USP6: variants seen among roughly 807,000 people sequenced by gnomAD.
USP6 encodes ubiquitin carboxyl-terminal hydrolase 6.
USP6 carries 128 observed loss-of-function variants against 175.7 expected under a neutral mutation model. The observed-to-expected ratio is 0.73, with a 90% CI of 0.63 to 0.84. The LOEUF is 0.84. Ranked by LOEUF, USP6 falls within the 40% of genes least tolerant of loss-of-function variation. USP6 has a pLI of 0.00. For synonymous variants in USP6, 562 were observed against 630.6 expected (o/e 0.89, Z 1.63); for missense variants, 1,498 against 1,760.3 (o/e 0.85, Z 2.67).
Position 5,141,417 on chromosome 17 carries a change from C to A in USP6, c.1499-8C>A, listed in dbSNP as rs1567791846. 1 of 1,601,622 alleles carries A rather than the reference C, an allele frequency of 6.2e-7. No individual in the cohort carries two copies. Among genetic ancestry groups the A allele is most frequent in the East Asian group, 2.2e-5 (1 of 44,626 alleles). On this transcript the variant is annotated splice_region_variant and splice_polypyrimidine_tract_variant and intron_variant, in intron 22 of 37. Coordinates refer to ENST00000574788, the MANE Select transcript of USP6 (RefSeq NM_001304284.2). ...AAGAAATTAACACATTCCTATCTGTCCTTCCAGTTCACAACAAAGATATGA... is the reference window on the plus strand; with the variant it reads ...AAGAAATTAACACATTCCTATCTGTACTTCCAGTTCACAACAAAGATATGA...
At position 5,174,129 on chromosome 17, in the gene USP6, T is replaced by G. The variant is rs1481292176; in HGVS notation, c.*1151T>G. The stretch of plus-strand genomic sequence containing the variant: ...TTTTTTATTTTGATATTTGTCTTTT[T>G]TTAAATTTTACAGTAGTCATTGAAA... On this transcript the variant is annotated 3_prime_UTR_variant, in exon 38 of 38. Coordinates refer to ENST00000574788, the MANE Select transcript of USP6 (RefSeq NM_001304284.2). The G allele has an allele frequency of 5.0e-6, 1 of 199,942 alleles. No individual in the cohort carries two copies. The highest frequency in any genetic ancestry group is 2.3e-5 in the African/African-American group (1 of 43,582). 12.4% of individuals were successfully genotyped at this position (199,942 alleles called of 1,614,324 possible). A position where few individuals can be genotyped will look rare whatever the true frequency, so the allele number is the denominator to read the frequency against.
chr17:5,117,190 C>G (rs568696874), intron 1 of USP6, among the ~76,000 whole-genome samples: 2 of 152,186 alleles, frequency 1.3e-5, no homozygotes, highest in Non-Finnish European at 2.9e-5. Context: ...TATGCTCACC[C>G]TGCTTTGTAG....
At chr17:5,154,727 C>CG (rs2073845344) in intron 30 of USP6, among the ~76,000 whole-genome samples, 1 of 151,018 alleles carries the variant, frequency 6.6e-6, no homozygotes, top group Non-Finnish European at 1.5e-5. Context: ...TTTTTTCCCC[C>CG]CACTGGCATC....
intron 1 of USP6, among the ~76,000 whole-genome samples, chr17:5,117,939 ATCCCAGCTCC>A (rs1242212893): frequency 6.6e-6 from 1 of 151,500 alleles, no homozygotes; most frequent in Non-Finnish European, 1.5e-5. Flanking sequence ...TGCACCTGTA[ATCCCAGCTCC>A]TCCCAGCTCC....
chr17:5,121,496 C>A lies in USP6; in HGVS notation c.-1553C>A. 1 of 238,324 alleles carries A rather than the reference C, an allele frequency of 4.2e-6. No homozygotes were observed. Among genetic ancestry groups the A allele is most frequent in the South Asian group, 6.0e-5 (1 of 16,674 alleles). 14.8% of individuals were successfully genotyped at this position (238,324 alleles called of 1,614,324 possible). ...GCCATCCCAGCTCAGCAAGGTAGGG[C>A]CTCTGTCCCCTCCCCACCCTGTACC... On this transcript the variant is annotated 5_prime_UTR_variant, in exon 4 of 38. Coordinates refer to ENST00000574788, the MANE Select transcript of USP6 (RefSeq NM_001304284.2).
chr17:5,154,113 A>G (rs1337837541), intron 30 of USP6, among the ~76,000 whole-genome samples: 1 of 152,250 alleles, frequency 6.6e-6, no homozygotes, highest in Non-Finnish European at 1.5e-5. Flanking sequence ...AAATATTTGT[A>G]CTGAACTCTG....
chr17:5,135,879 A>G lies in USP6; in HGVS notation c.615A>G (p.Ala205=), dbSNP rs747976356. ...TCCTTTATCTGCCTGAGGAGGACGC[A>G]TTCTGGGCACTGGTGCAGCTGCTGG... ...LFLLYLPEED[A]FWALVQLLAS... The change falls in exon 17 of 38, where the codon GCA becomes GCG. Residue 205 remains alanine, a synonymous_variant. Coordinates refer to ENST00000574788, the MANE Select transcript of USP6 (RefSeq NM_001304284.2). 3.1e-6 allele frequency: 5 copies of G among 1,599,462 alleles called. No individual in the cohort carries two copies. Among genetic ancestry groups the G allele is most frequent in the Admixed American group, 3.3e-5 (2 of 60,018 alleles).
At chr17:5,135,040 G>C in intron 15 of USP6, 194 bp from the exon 16 acceptor site, 2 of 615,146 alleles carry the variant, frequency 3.3e-6, no homozygotes, top group African/African-American at 1.8e-5. Flanking sequence ...ACTCACTGTA[G>C]AACTGGGCTA....
At chr17:5,136,497 A>G (rs2073257647) in intron 17 of USP6, 143 bp from the exon 18 acceptor site, 2 of 1,139,132 alleles carry the variant, frequency 1.8e-6, no homozygotes, top group East Asian at 4.8e-5. Flanking sequence ...TCCCCAGGGC[A>G]AAGGCCGCAT....
At position 5,137,141 on chromosome 17, in the gene USP6, G is replaced by A; in HGVS notation, c.780G>A (p.Gly260=). ...MWHQDKEGLC[G]QCASLGCLLR... is the part of the protein sequence containing the mutation. ...ATCAGGACAAGGAAGGTCTATGCGGGCAGTGTGCCTCGTTAGGCTGCCTTC... is the reference window on the plus strand; with the variant it reads ...ATCAGGACAAGGAAGGTCTATGCGGACAGTGTGCCTCGTTAGGCTGCCTTC... The change falls in exon 19 of 38, where the codon GGG becomes GGA. Residue 260 remains glycine (G), a synonymous_variant. Coordinates refer to ENST00000574788, the MANE Select transcript of USP6 (RefSeq NM_001304284.2). 1 of 1,613,490 alleles carries A rather than the reference G, an allele frequency of 6.2e-7. No homozygotes were observed. The highest frequency in any genetic ancestry group is 8.5e-7 in the Non-Finnish European group (1 of 1,179,600).
intron 30 of USP6, among the ~76,000 whole-genome samples, chr17:5,150,732 A>G (rs2073747756): frequency 6.6e-6 from 1 of 152,024 alleles, no homozygotes; most frequent in East Asian, 1.9e-4. Flanking sequence ...TGACCTCGTG[A>G]TCTGCCTGCC....
At position 5,170,790 on chromosome 17, in the gene USP6, T is replaced by A; in HGVS notation, c.3829T>A (p.Cys1277Ser). Residue 1277 changes from cysteine to serine, a missense_variant, in exon 36 of 38, where the codon TGT becomes AGT. Around this residue, in one of 2 missense-constraint regions of USP6, gnomAD observed 1,217 missense variants for 1,500.8 expected, o/e 0.81. Coordinates refer to ENST00000574788, the MANE Select transcript of USP6 (RefSeq NM_001304284.2). ...ANGFLYEHEA[C>S]GNGCGDGYSN... is the part of the protein sequence containing the mutation. Reference sequence around the variant, plus strand: ...TGGATTCCTTTATGAGCATGAAGCATGTGGCAATGGCTGTGGCGATGGCTA... The same window carrying A: ...TGGATTCCTTTATGAGCATGAAGCAAGTGGCAATGGCTGTGGCGATGGCTA... 1 of 1,613,872 alleles carries A rather than the reference T, an allele frequency of 6.2e-7. No individual in the cohort carries two copies.
At chr17:5,119,162 A>G (rs979162131) in intron 2 of USP6, among the ~76,000 whole-genome samples, 5 of 152,250 alleles carry the variant, frequency 3.3e-5, no homozygotes, top group Admixed American at 1.3e-4. Flanking sequence ...TTCCTCAAAG[A>G]GATTATCAGA....
rs1291853425 is a variant in USP6, at chr17:5,130,401, G to A, written c.34G>A (p.Ala12Thr). ...GGTAGAGAATGCAGATAGTTTGCAG[G>A]CACAGGAGCGGAAGGACATACTTAT... ...DMVENADSLQ[A>T]QERKDILMKY... is the part of the protein sequence containing the mutation. The change falls in exon 10 of 38, where the codon GCA (alanine) becomes ACA (threonine). Residue 12 changes from alanine (A) to threonine (T), a missense_variant. Ala to Thr is a moderately conservative substitution (Grantham distance 58). Transcript: ENST00000574788. 1.2e-6 allele frequency: 2 copies of A among 1,614,010 alleles called. No homozygotes were observed. The highest frequency in any genetic ancestry group is 1.7e-6 in the Non-Finnish European group (2 of 1,180,030).
rs762451283 is a variant in USP6, at chr17:5,130,611, G to A, written c.82G>A (p.Ala28Thr). Residue 28 changes from alanine (A) to threonine (T), a missense_variant, in exon 11 of 38, where the codon GCT (alanine) becomes ACT (threonine). Transcript: ENST00000574788. The part of the protein sequence containing the change: ...ILMKYDKGHR[A>T]GLPEDKGPEP... Reference sequence around the variant, plus strand: ...TCCCTCTGGGTTACAGGGACACCGAGCTGGGCTGCCAGAGGACAAGGGGCC... The same window carrying A: ...TCCCTCTGGGTTACAGGGACACCGAACTGGGCTGCCAGAGGACAAGGGGCC... 1.9e-6 allele frequency: 3 copies of A among 1,613,902 alleles called. No individual in the cohort carries two copies. In the Admixed American group the frequency reaches 5.0e-5, roughly 27 times the overall value.
At position 5,124,591 on chromosome 17, in the gene USP6, A is replaced by G. The variant is rs1364506044; in HGVS notation, c.-1273A>G. On this transcript the variant is annotated 5_prime_UTR_variant, in exon 5 of 38. Transcript: ENST00000574788. ...AGTCACAGGGAGAAGACGTCCACCC[A>G]CACATCAGGAGACAGGCCTGGAACA... The G allele has an allele frequency of 6.6e-6, 1 of 152,274 alleles. No individual in the cohort carries two copies. Among genetic ancestry groups the G allele is most frequent in the Non-Finnish European group, 1.5e-5 (1 of 68,092 alleles). 9.4% of individuals were successfully genotyped at this position (152,274 alleles called of 1,614,324 possible). A position where few individuals can be genotyped will look rare whatever the true frequency, so the allele number is the denominator to read the frequency against.
At chr17:5,172,572 G>T (rs943022903) in intron 37 of USP6, among the ~76,000 whole-genome samples, 3 of 152,102 alleles carry the variant, frequency 2.0e-5, no homozygotes, top group Non-Finnish European at 4.4e-5. Context: ...GAATTTGATG[G>T]GGTTTTAGGT....
intron 16 of USP6, 99 bp from the exon 17 acceptor site, chr17:5,135,709 C>A: frequency 1.9e-6 from 3 of 1,594,120 alleles, no homozygotes; most frequent in Non-Finnish European, 2.5e-6. Context: ...CAGAGGAAGC[C>A]TCCCCAGTCA....
rs1435379640 is a variant in USP6 at position 5,132,899 on chromosome 17, T to G, written c.196-11T>G. ...GCAGCTCCACTAACTCCAACATGCCTCATTTGACAGAAAATTCGGCGGGAG... is the reference window on the plus strand; with the variant it reads ...GCAGCTCCACTAACTCCAACATGCCGCATTTGACAGAAAATTCGGCGGGAG... On this transcript the variant is annotated splice_polypyrimidine_tract_variant and intron_variant, in intron 12 of 37. Transcript: ENST00000574788. This position sits in a 1 kb window ranked among gnomAD's most constrained non-coding sequence, Gnocchi z 4.7. 1 of 1,613,724 alleles carries G rather than the reference T, an allele frequency of 6.2e-7. No individual in the cohort carries two copies. The highest frequency in any genetic ancestry group is 2.2e-5 in the East Asian group (1 of 44,874).
Sources: allele counts gnomAD v4.1 joint callset (sites outside exome capture counted in the v4.1 genomes callset), GRCh38; gene constraint gnomAD v4.1.1; regional missense constraint gnomAD v4.1.1; non-coding constraint Gnocchi (gnomAD v3.1); transcripts MANE v1.5; gene names NCBI Gene and HGNC (gene_info 2026-07-23, HGNC 2026-07-21).